Variants in GALNT2 observed in about 807,000 individuals in gnomAD.
GALNT2 encodes UDP-GalNAc:polypeptide N-acetylgalactosaminyltransferase 2.
GALNT2 carries 31 observed loss-of-function variants against 81.4 expected under a neutral mutation model. That is an observed-to-expected ratio of 0.38 (90% CI 0.29 to 0.51). The LOEUF (loss-of-function observed/expected upper bound fraction) is 0.51. GALNT2 is among the 20% of genes least tolerant of loss of function. The pLI, the probability that GALNT2 is intolerant of heterozygous loss-of-function variation, is 0.87. For synonymous variants in GALNT2, 303 were observed against 287.4 expected, an observed-to-expected ratio of 1.05 and a Z score of -0.55; for missense variants, 629 against 765.7, an observed-to-expected ratio of 0.82 and a Z score of 2.11.
rs146989568 is a variant in GALNT2, at chr1:230,268,111, T to C, written c.1440+2744T>C. On this transcript the variant is annotated intron_variant, in intron 14 of 15. Coordinates refer to ENST00000366672, the MANE Select transcript of GALNT2 (RefSeq NM_004481.5). The stretch of plus-strand genomic sequence containing the variant: ...TTTCCATCTAGAACCATAGTGAAAA[T>C]CCACCGAAATGCCCTCAGAAAAGTG... 5.6e-4 allele frequency among the ~76,000 whole-genome samples: 85 copies of C among 152,120 alleles called. No homozygotes were observed. In the East Asian group the frequency reaches 0.015, roughly 27 times the overall value.
intron 1 of GALNT2, among the ~76,000 whole-genome samples, chr1:230,148,166 G>A (rs1485278788): frequency 6.6e-6 from 1 of 152,206 alleles, no homozygotes; most frequent in African/African-American, 2.4e-5. Flanking sequence ...GTGGCGCTGC[G>A]TGGCTGAGAG....
At chr1:230,126,184 G>A (rs1269656574) in intron 1 of GALNT2, among the ~76,000 whole-genome samples, 2 of 152,220 alleles carry the variant, frequency 1.3e-5, no homozygotes, top group African/African-American at 4.8e-5. Flanking sequence ...CAGAGCTGTG[G>A]AGATGGTGAT....
chr1:230,140,280 C>A (rs2102823074), intron 1 of GALNT2, among the ~76,000 whole-genome samples: 1 of 152,264 alleles, frequency 6.6e-6, no homozygotes, highest in South Asian at 2.1e-4. Context: ...GTTAACCAGG[C>A]AACAGTCCCT....
chr1:230,139,337 G>T (rs897014660), intron 1 of GALNT2, among the ~76,000 whole-genome samples: 3 of 152,150 alleles, frequency 2.0e-5, no homozygotes, highest in Non-Finnish European at 4.4e-5. Context: ...GGCCACATGT[G>T]TCCCTTCTGA....
In GALNT2 at chr1:230,245,416, A is replaced by G. The variant is rs1665335438; in HGVS notation, c.730-647A>G. Among the ~76,000 whole-genome samples, 3 of 152,038 alleles carry G rather than the reference A, an allele frequency of 2.0e-5. 1 individual carries two copies. The South Asian group carries it at 6.2e-4, about 32-fold the overall frequency. On this transcript the variant is annotated intron_variant, in intron 7 of 15. Coordinates refer to ENST00000366672, the MANE Select transcript of GALNT2 (RefSeq NM_004481.5). ...GAGGCGGCGGTTGTGGTGAGCCAAG[A>G]TCACGCCATTGCACTCCAGCCTGGG...
At chr1:230,191,718 C>T (rs1663532300) in intron 2 of GALNT2, among the ~76,000 whole-genome samples, 1 of 152,212 alleles carries the variant, frequency 6.6e-6, no homozygotes. Flanking sequence ...TCGCTATGTT[C>T]CCCAGGCTGA....
intron 10 of GALNT2, among the ~76,000 whole-genome samples, chr1:230,252,362 A>AT (rs914016630): frequency 3.9e-5 from 6 of 152,148 alleles, no homozygotes; most frequent in Admixed American, 3.9e-4. Flanking sequence ...GTAAGTCCTT[A>AT]TGTCATTTAA....
chr1:230,274,331 G>T lies in GALNT2; in HGVS notation c.1441-114G>T, dbSNP rs537061661. ...CGTTCTCAGTTGGCTCAGGGGTTCT[G>T]AATCTAAGCTCCACCCCGTGACCCA... On this transcript the variant is annotated intron_variant, in intron 14 of 15. Transcript: ENST00000366672. 9.3e-6 allele frequency: 13 copies of T among 1,396,602 alleles called. No individual in the cohort carries two copies. In the African/African-American group the frequency reaches 1.0e-4, roughly 11 times the overall value. 86.5% of individuals were successfully genotyped at this position (1,396,602 alleles called of 1,614,324 possible).
intron 3 of GALNT2, among the ~76,000 whole-genome samples, chr1:230,210,212 C>T (rs1437116456): frequency 2.6e-5 from 4 of 152,152 alleles, no homozygotes; most frequent in African/African-American, 9.7e-5. Context: ...TTTATGAAAT[C>T]TCTTTCTCTC....
In GALNT2 at chr1:230,235,012, G is replaced by A. The variant is rs535626311; in HGVS notation, c.375-1002G>A. 5.9e-5 allele frequency among the ~76,000 whole-genome samples: 9 copies of A among 151,904 alleles called. No individual in the cohort carries two copies. In the South Asian group the frequency reaches 6.2e-4, roughly 11 times the overall value. ...GAGGATTGCTTGAAGCCAGGATTTC[G>A]AGACCAGCCTGAGCAACAGAGTGAG... On this transcript the variant is annotated intron_variant, in intron 3 of 15. Coordinates refer to ENST00000366672, the MANE Select transcript of GALNT2 (RefSeq NM_004481.5).
intron 9 of GALNT2, 56 bp downstream of exon 9, chr1:230,249,327 T>A: frequency 6.6e-7 from 1 of 1,517,936 alleles, no homozygotes; most frequent in Non-Finnish European, 9.1e-7. Flanking sequence ...AGGTTCCAGC[T>A]TCTTTGCTGG....
intron 11 of GALNT2, chr1:230,262,339 G>A (rs978352782): frequency 1.2e-5 from 6 of 488,878 alleles, no homozygotes; most frequent in Admixed American, 1.1e-4. Context: ...CCATCTGTGT[G>A]ACAAGAAAGC....
At position 230,255,118 on chromosome 1, in the gene GALNT2, T is replaced by C. The variant is rs1056137463; in HGVS notation, c.1010-100T>C. The stretch of plus-strand genomic sequence containing the variant: ...AGCAGAGGGCATGGGAGCCCCATGA[T>C]GGGATGGTCAGGGGGCCTCTGTACC... On this transcript the variant is annotated intron_variant, in intron 10 of 15. Coordinates refer to ENST00000366672, the MANE Select transcript of GALNT2 (RefSeq NM_004481.5). 66 of 1,541,544 alleles carry C rather than the reference T, an allele frequency of 4.3e-5. 1 individual carries two copies. In the Middle Eastern group the frequency reaches 1.2e-3, roughly 28 times the overall value.
chr1:230,109,669 T>C (rs1488768147), intron 1 of GALNT2, among the ~76,000 whole-genome samples: 1 of 151,908 alleles, frequency 6.6e-6, no homozygotes, highest in Non-Finnish European at 1.5e-5. Flanking sequence ...CTCTACTAAA[T>C]ATACAAAAAT....
At chr1:230,149,178 G>A (rs1053713182) in intron 1 of GALNT2, among the ~76,000 whole-genome samples, 2 of 152,202 alleles carry the variant, frequency 1.3e-5, no homozygotes, top group Non-Finnish European at 2.9e-5. Context: ...ACTGAGCCTA[G>A]CCTACTTGTT....
chr1:230,213,919 AT>A (rs139374499), intron 3 of GALNT2, among the ~76,000 whole-genome samples: 4,402 of 152,262 alleles, frequency 0.029, 127 homozygotes, highest in African/African-American at 0.076. Flanking sequence ...TCTATAGGAT[AT>A]CTTTTATTGT....
intron 1 of GALNT2, among the ~76,000 whole-genome samples, chr1:230,067,800 G>A (rs1659244506): frequency 6.6e-6 from 1 of 152,200 alleles, no homozygotes; most frequent in South Asian, 2.1e-4. Flanking sequence ...AACGCGTCAT[G>A]TACAGCAGGA....
chr1:230,272,026 A>G (rs192788347), intron 14 of GALNT2, among the ~76,000 whole-genome samples: 1 of 152,342 alleles, frequency 6.6e-6, no homozygotes, highest in East Asian at 1.9e-4. Flanking sequence ...CCAAGGGAGT[A>G]GGAGCTGTTT....
At position 230,166,712 on chromosome 1, in the gene GALNT2, T is replaced by G. The variant is rs371777745; in HGVS notation, c.127-11506T>G. 2.0e-5 allele frequency among the ~76,000 whole-genome samples: 3 copies of G among 152,332 alleles called. No individual in the cohort carries two copies. In the East Asian group the frequency reaches 5.8e-4, roughly 29 times the overall value. The stretch of plus-strand genomic sequence containing the variant: ...CTCCTTTCCCCCAACTTCCTTGCTT[T>G]CTTCCCTTTTCCCAAAATCCAGATC... On this transcript the variant is annotated intron_variant, in intron 1 of 15. Transcript: ENST00000366672.
Sources: allele counts gnomAD v4.1 joint callset (sites outside exome capture counted in the v4.1 genomes callset), GRCh38; gene constraint gnomAD v4.1.1; transcripts MANE v1.5; gene names NCBI Gene and HGNC (gene_info 2026-07-23, HGNC 2026-07-21).